Variants in FAM234A observed in about 807,000 individuals in gnomAD.
FAM234A encodes the protein family with sequence similarity 234 member A, also known as protein FAM234A.
Under a neutral mutation model 49.1 loss-of-function variants are expected in FAM234A, and 42 were observed. The observed-to-expected ratio is 0.86, with a 90% confidence interval of 0.67 to 1.11. The LOEUF is 1.11. FAM234A is among the 50% of genes least tolerant of loss of function. FAM234A has a pLI of 0.00. For synonymous variants in FAM234A, 369 were observed against 316.2 expected, an observed-to-expected ratio of 1.17 and a Z score of -1.77; for missense variants, 815 against 745.2, an observed-to-expected ratio of 1.09 and a Z score of -1.09.
intron 2 of FAM234A, among the ~76,000 whole-genome samples, chr16:251,638 G>A (rs761014775): frequency 2.0e-5 from 3 of 146,840 alleles, no homozygotes; most frequent in South Asian, 2.2e-4. Flanking sequence ...CGGACTCCCA[G>A]AGTGCTGCGA....
At chr16:269,728 G>A (rs865963099), downstream of FAM234A, 13 of 656,760 alleles carry the variant, frequency 2.0e-5, no homozygotes, top group Admixed American at 2.8e-5. Context: ...CAGCCGCCTC[G>A]GACCTGCCCA....
At chr16:268,150 A>G (rs1173543328), downstream of FAM234A, among the ~76,000 whole-genome samples, 2 of 126,130 alleles carry the variant, frequency 1.6e-5, no homozygotes, top group Non-Finnish European at 3.1e-5. Context: ...CCACATATGC[A>G]TGCCTCAGTA....
At chr16:247,691 C>T (rs925878011) in intron 1 of FAM234A, among the ~76,000 whole-genome samples, 1 of 152,036 alleles carries the variant, frequency 6.6e-6, no homozygotes, top group Non-Finnish European at 1.5e-5. Flanking sequence ...CCTTGGCCTC[C>T]CAAAGGGCTG....
intron 3 of FAM234A, among the ~76,000 whole-genome samples, chr16:255,617 C>T (rs965448422): frequency 6.6e-6 from 1 of 151,996 alleles, no homozygotes; most frequent in African/African-American, 2.4e-5. Context: ...ACTCCCTGTT[C>T]CCTCCTCTCC....
chr16:264,354 G>A (rs1177559176), intron 11 of FAM234A, among the ~76,000 whole-genome samples, 183 bp downstream of exon 11: 2 of 152,230 alleles, frequency 1.3e-5, no homozygotes, highest in African/African-American at 4.8e-5. Context: ...GGGGTCCAGC[G>A]AGAAGGGGCT....
chr16:254,279 T>G, intron 2 of FAM234A, 102 bp from the exon 3 acceptor site: 1 of 885,004 alleles, frequency 1.1e-6, no homozygotes, highest in Admixed American at 2.3e-5. Flanking sequence ...TAGTTAGAGC[T>G]GCAGCCAGTC....
intron 1 of FAM234A, among the ~76,000 whole-genome samples, chr16:244,884 G>A (rs1307498708): frequency 6.7e-6 from 1 of 150,110 alleles, no homozygotes; most frequent in East Asian, 2.0e-4. Context: ...TAGAGATGGG[G>A]TTTCTCCATG....
chr16:264,530 C>G (rs2051614153), intron 11 of FAM234A, 84 bp from the exon 12 acceptor site: 2 of 954,914 alleles, frequency 2.1e-6, no homozygotes, highest in African/African-American at 3.2e-5. Context: ...AGACATAGAG[C>G]TCCAGGCACG....
At chr16:253,971 GT>G (rs2051123269) in intron 2 of FAM234A, 1 of 191,328 alleles carries the variant, frequency 5.2e-6, no homozygotes, top group African/African-American at 2.4e-5. Flanking sequence ...GGGAGTCCAT[GT>G]GTGCGCACCT....
chr16:258,975 G>A (rs1207244552), intron 3 of FAM234A, among the ~76,000 whole-genome samples: 1 of 152,162 alleles, frequency 6.6e-6, no homozygotes, highest in South Asian at 2.1e-4. Flanking sequence ...GTAGAGACAG[G>A]GTTTCACACG....
At chr16:261,113 C>T in intron 5 of FAM234A, 1 of 369,354 alleles carries the variant, frequency 2.7e-6, no homozygotes, top group South Asian at 3.2e-5. Context: ...TCTGCGGTTC[C>T]CAGGAATGAG....
chr16:257,886 C>T (rs937315583), intron 3 of FAM234A, among the ~76,000 whole-genome samples: 1 of 151,810 alleles, frequency 6.6e-6, no homozygotes, highest in East Asian at 1.9e-4. Flanking sequence ...GAGATCGAGT[C>T]TCGCTCTGTC....
intron 2 of FAM234A, among the ~76,000 whole-genome samples, chr16:251,426 G>A (rs950133798): frequency 1.3e-5 from 2 of 152,026 alleles, no homozygotes; most frequent in African/African-American, 2.4e-5. Flanking sequence ...CCAGGTGGCA[G>A]TGCAGTGGCG....
In FAM234A at chr16:260,153, G is replaced by C. The variant is rs1172651922; in HGVS notation, c.570G>C (p.Leu190Phe). Reference protein sequence around the residue: ...GRPSSFIAVNLFTGETLWNHS... With the variant: ...GRPSSFIAVNFFTGETLWNHS... ...CCAGTTCTTTCATTGCAGTCAACTT[G>C]TTCACAGGTAGGCCAGCCAGGCAGC... The change falls in exon 5 of 13, where the codon TTG (leucine) becomes TTC (phenylalanine). Residue 190 changes from leucine to phenylalanine, a missense_variant. By Grantham distance (22) the Leu-to-Phe change is conservative. Transcript: ENST00000399932. 2 of 1,613,586 alleles carry C rather than the reference G, an allele frequency of 1.2e-6. No individual in the cohort carries two copies. The highest frequency in any genetic ancestry group is 1.7e-5 in the Admixed American group (1 of 60,024).
intron 9 of FAM234A, 65 bp downstream of exon 9, chr16:263,467 G>C (rs780330287): frequency 1.3e-6 from 2 of 1,583,320 alleles, no homozygotes; most frequent in East Asian, 4.5e-5. Context: ...GGCACATCCC[G>C]TTGGCTGGCG....
In FAM234A at chr16:260,145, G is replaced by A. The variant is rs777947421; in HGVS notation, c.562G>A (p.Val188Ile). Reference sequence around the variant, plus strand: ...GGGCAGACCCAGTTCTTTCATTGCAGTCAACTTGTTCACAGGTAGGCCAGC... The same window carrying A: ...GGGCAGACCCAGTTCTTTCATTGCAATCAACTTGTTCACAGGTAGGCCAGC... ...LVGRPSSFIAVNLFTGETLWN... is the reference protein window; with the variant it reads ...LVGRPSSFIAINLFTGETLWN... Residue 188 changes from valine (V) to isoleucine (I), a missense_variant, in exon 5 of 13, where the codon GTC becomes ATC. Transcript: ENST00000399932. The A allele has an allele frequency of 1.7e-5, 28 of 1,613,594 alleles. No individual in the cohort carries two copies. The African/African-American group carries it at 3.2e-4, about 18-fold the overall frequency.
At chr16:246,082 GT>G (rs2050791571) in intron 1 of FAM234A, among the ~76,000 whole-genome samples, 1 of 151,300 alleles carries the variant, frequency 6.6e-6, no homozygotes, top group Non-Finnish European at 1.5e-5. Flanking sequence ...GGGTGTGGTG[GT>G]GGGTGCCTAT....
chr16:268,963 A>G, downstream of FAM234A: 1 of 1,547,038 alleles, frequency 6.5e-7, no homozygotes, highest in South Asian at 1.2e-5. Context: ...TGAAGACCAG[A>G]GAAGGTGGAG....
Position 261,438 on chromosome 16 carries a change from G to T in FAM234A, c.632G>T (p.Ser211Ile). Residue 211 changes from serine to isoleucine, a missense_variant, in exon 6 of 13, where the codon AGC becomes ATC. Coordinates refer to ENST00000399932, the MANE Select transcript of FAM234A (RefSeq NM_032039.4). Reference sequence around the variant, plus strand: ...TTCAGCGGGAATGCGTCCATCCTGAGCCCTCTGCTGCAGGTGCCTGATGTG... The same window carrying T: ...TTCAGCGGGAATGCGTCCATCCTGATCCCTCTGCTGCAGGTGCCTGATGTG... ...SSFSGNASIL[S>I]PLLQVPDVDG... 1 of 1,613,658 alleles carries T rather than the reference G, an allele frequency of 6.2e-7. No homozygotes were observed. The highest frequency in any genetic ancestry group is 8.5e-7 in the Non-Finnish European group (1 of 1,179,926).
Sources: allele counts gnomAD v4.1 joint callset (sites outside exome capture counted in the v4.1 genomes callset), GRCh38; gene constraint gnomAD v4.1.1; transcripts MANE v1.5; gene names NCBI Gene and HGNC (gene_info 2026-07-23, HGNC 2026-07-21).